Variants in FGD3 observed in about 807,000 individuals in gnomAD.
The protein encoded by FGD3 is FYVE, RhoGEF and PH domain-containing protein 3.
FGD3 carries 45 observed loss-of-function variants against 71.8 expected under a neutral mutation model. The ratio of observed to expected loss-of-function variants is 0.63; its 90% CI spans 0.49 to 0.80. The LOEUF (loss-of-function observed/expected upper bound fraction) is 0.80, where lower values mean the gene tolerates loss of function less well. Ranked by LOEUF, FGD3 falls within the 30% of genes least tolerant of loss-of-function variation. The pLI, the probability that FGD3 is intolerant of heterozygous loss-of-function variation, is 0.00. For synonymous variants in FGD3, 378 were observed against 392.8 expected, an observed-to-expected ratio of 0.96 and a Z score of 0.44; for missense variants, 844 against 951.5, an observed-to-expected ratio of 0.89 and a Z score of 1.49.
chr9:93,018,214 C>G lies in FGD3; in HGVS notation c.1354C>G (p.Arg452Gly). 6.2e-7 allele frequency: 1 copy of G among 1,613,304 alleles called. No homozygotes were observed. The highest frequency in any genetic ancestry group is 8.5e-7 in the Non-Finnish European group (1 of 1,179,258). The part of the protein sequence containing the change: ...GRKRSLELQT[R>G]TEEEKKEWIQ... ...AAAAAGGTCCCTGGAGCTGCAGACG[C>G]GGTATGGAACGGGCTGTTTCTAGTG... Residue 452 changes from arginine to glycine, a missense_variant and splice_region_variant, in exon 11 of 18, where the codon CGG (arginine) becomes GGG (glycine). By Grantham distance (125) the Arg-to-Gly change is moderately radical. Transcript: ENST00000375482.
At chr9:93,007,974 C>G (rs1032266036) in intron 6 of FGD3, among the ~76,000 whole-genome samples, 1 of 152,178 alleles carries the variant, frequency 6.6e-6, no homozygotes. Context: ...AAAACAGGAT[C>G]GCATGACAGT....
chr9:93,009,347 G>A (rs909763878), intron 6 of FGD3, among the ~76,000 whole-genome samples: 2 of 152,156 alleles, frequency 1.3e-5, no homozygotes, highest in African/African-American at 2.4e-5. Flanking sequence ...GAAGATTGTC[G>A]ACTTGGGTTT....
At chr9:92,968,274 AAGGTGGCGGTGTG>A (rs1212737305) in intron 1 of FGD3, among the ~76,000 whole-genome samples, 1 of 152,136 alleles carries the variant, frequency 6.6e-6, no homozygotes, top group Non-Finnish European at 1.5e-5. Flanking sequence ...GTAACTTGTT[AAGGTGGCGGTGTG>A]AGCCATATTT....
chr9:93,035,478 G>A lies in FGD3; in HGVS notation c.2067G>A (p.Glu689=), dbSNP rs1169732664. The A allele has an allele frequency of 4.3e-6, 7 of 1,613,510 alleles. No individual in the cohort carries two copies. The highest frequency in any genetic ancestry group is 4.0e-5 in the African/African-American group (3 of 74,930). ...QSWYLSASSA[E]LQQQWLETLS... ...GGTACCTGAGCGCCTCCTCCGCAGA[G>A]CTGCAGCAGCAGTGGCTGGAAACCC... The change falls in exon 18 of 18, where the codon GAG becomes GAA. Residue 689 remains glutamate, a synonymous_variant. Coordinates refer to ENST00000375482, the MANE Select transcript of FGD3 (RefSeq NM_001083536.2).
At chr9:93,014,523 G>GT (rs34867489) in intron 9 of FGD3, among the ~76,000 whole-genome samples, 49,790 of 151,076 alleles carry the variant, frequency 0.33, 8,902 homozygotes, top group African/African-American at 0.47. Context: ...TCTTTGAAAG[G>GT]TTTTTTTTTA....
intron 1 of FGD3, among the ~76,000 whole-genome samples, chr9:92,952,500 G>C (rs1858973248): frequency 1.3e-5 from 2 of 152,048 alleles, no homozygotes; most frequent in African/African-American, 4.8e-5. Context: ...CCCTTCCAAA[G>C]TGCTGGGATT....
At chr9:93,010,460 A>G (rs1052098395) in intron 7 of FGD3, 76 bp downstream of exon 7, 27 of 842,220 alleles carry the variant, frequency 3.2e-5, no homozygotes, top group African/African-American at 5.0e-5. Context: ...AGAGAGGGAG[A>G]GAGAGAGTCG....
chr9:92,990,444 T>C (rs1226289967), intron 3 of FGD3, among the ~76,000 whole-genome samples: 1 of 152,242 alleles, frequency 6.6e-6, no homozygotes, highest in Non-Finnish European at 1.5e-5. Flanking sequence ...TGGCTAAAAC[T>C]TCCAGTACTA....
In FGD3 at chr9:93,035,737, A is replaced by G; in HGVS notation, c.*148A>G. Reference sequence around the variant, plus strand: ...GGACACTTGGCTTTGGGGGGAAGGAAACTGAGGCCCAGAGAGGGGCAACCA... The same window carrying G: ...GGACACTTGGCTTTGGGGGGAAGGAGACTGAGGCCCAGAGAGGGGCAACCA... On this transcript the variant is annotated 3_prime_UTR_variant, in exon 18 of 18. Transcript: ENST00000375482. The G allele has an allele frequency of 8.1e-7, 1 of 1,238,348 alleles. No homozygotes were observed. Among genetic ancestry groups the G allele is most frequent in the Non-Finnish European group, 1.1e-6 (1 of 930,268 alleles). 76.7% of individuals were successfully genotyped at this position (1,238,348 alleles called of 1,614,324 possible).
chr9:93,007,664 C>T (rs1024980066), intron 6 of FGD3, among the ~76,000 whole-genome samples: 2 of 152,172 alleles, frequency 1.3e-5, no homozygotes, highest in African/African-American at 4.8e-5. Context: ...GACACAGCCC[C>T]GGTTGCAGGC....
At chr9:92,993,626 C>G (rs1360935558) in intron 3 of FGD3, among the ~76,000 whole-genome samples, 1 of 152,152 alleles carries the variant, frequency 6.6e-6, no homozygotes, top group Non-Finnish European at 1.5e-5. Context: ...TCCCCTTACC[C>G]CATGACAGGC....
chr9:93,035,571 G>A lies in FGD3; in HGVS notation c.2160G>A (p.Met720Ile). Residue 720 changes from methionine to isoleucine, a missense_variant, in exon 18 of 18, where the codon ATG becomes ATA. Met to Ile is a conservative substitution (Grantham distance 10). Coordinates refer to ENST00000375482, the MANE Select transcript of FGD3 (RefSeq NM_001083536.2). Reference sequence around the variant, plus strand: ...GGGCCCTGCAGCTTCAGGTCCCTATGGGCGCAGCTGCTCCGTGAGCTGAGT... The same window carrying A: ...GGGCCCTGCAGCTTCAGGTCCCTATAGGCGCAGCTGCTCCGTGAGCTGAGT... ...SPGALQLQVP[M>I]GAAAP The A allele has an allele frequency of 1.3e-6, 2 of 1,595,048 alleles. No individual in the cohort carries two copies. Among genetic ancestry groups the A allele is most frequent in the Non-Finnish European group, 1.7e-6 (2 of 1,173,428 alleles).
chr9:92,962,047 G>A (rs931053357), intron 1 of FGD3, among the ~76,000 whole-genome samples: 7 of 152,190 alleles, frequency 4.6e-5, no homozygotes, highest in Non-Finnish European at 5.9e-5. Context: ...GCCATTGGGG[G>A]GCAGGCTGCC....
chr9:92,987,696 T>C (rs1860243513), intron 3 of FGD3, among the ~76,000 whole-genome samples: 1 of 152,156 alleles, frequency 6.6e-6, no homozygotes, highest in African/African-American at 2.4e-5. Context: ...TTCTTTCGTG[T>C]GGTGGGCTGT....
intron 1 of FGD3, among the ~76,000 whole-genome samples, chr9:92,960,920 C>T (rs1362506850): frequency 6.6e-6 from 1 of 151,544 alleles, no homozygotes; most frequent in African/African-American, 2.4e-5. Context: ...CCAGGCCTCT[C>T]TCCTGGTGAT....
At chr9:93,009,830 C>A (rs1221251924) in intron 6 of FGD3, among the ~76,000 whole-genome samples, 1 of 152,202 alleles carries the variant, frequency 6.6e-6, no homozygotes, top group African/African-American at 2.4e-5. Context: ...CAAGCCCTGG[C>A]CCGATACCCA....
At chr9:93,010,149 C>G in intron 6 of FGD3, 97 bp from the exon 7 acceptor site, 1 of 1,455,926 alleles carries the variant, frequency 6.9e-7, no homozygotes, top group Non-Finnish European at 9.3e-7. Flanking sequence ...GCAGCCAGTT[C>G]CGGGCAGCTT....
At chr9:92,972,004 CCCAG>C (rs1394991979) in intron 1 of FGD3, among the ~76,000 whole-genome samples, 1 of 148,288 alleles carries the variant, frequency 6.7e-6, no homozygotes, top group Non-Finnish European at 1.5e-5. Flanking sequence ...CTTCCAGGCA[CCCAG>C]CTGATCTGCT....
intron 15 of FGD3, among the ~76,000 whole-genome samples, chr9:93,030,329 C>T (rs1036522687): frequency 6.6e-5 from 10 of 152,138 alleles, no homozygotes; most frequent in South Asian, 2.1e-4. Context: ...GTATTGGAGA[C>T]GGGTGAAGGG....
Sources: gnomAD v4.1 joint callset for allele counts (sites outside exome capture counted in the v4.1 genomes callset) on GRCh38, gnomAD v4.1.1 for gene constraint, MANE v1.5 for transcripts, NCBI Gene and HGNC (gene_info 2026-07-23, HGNC 2026-07-21) for gene names.